SLC4A5: variants seen among roughly 807,000 people sequenced by gnomAD.
SLC4A5 encodes the protein electrogenic sodium bicarbonate cotransporter 4.
In SLC4A5, 96 loss-of-function variants were observed where a neutral mutation model predicts 120.4. The observed-to-expected ratio is 0.80, with a 90% CI of 0.68 to 0.94. SLC4A5 has a LOEUF of 0.94. Ranked by LOEUF, SLC4A5 falls within the 40% of genes least tolerant of loss-of-function variation. SLC4A5 has a pLI of 0.00. For missense variants in SLC4A5, 1,259 were observed against 1,459.5 expected (o/e 0.86, Z 2.24); for synonymous variants, 550 against 571.1 (o/e 0.96, Z 0.53).
chr2:74,338,806 T>G (rs926357892), intron 3 of SLC4A5, 49 bp downstream of exon 3: 2 of 152,042 alleles, frequency 1.3e-5, no homozygotes, highest in African/African-American at 2.4e-5. Flanking sequence ...AGAGCAAGAC[T>G]CCATCTCAAA....
exon 31 of SLC4A5, chr2:74,218,634 G>A (rs1455634483): frequency 6.6e-6 from 1 of 152,632 alleles, no homozygotes; most frequent in African/African-American, 2.4e-5. Context: ...ATCCTAGAGG[G>A]TGGTCTCACT....
chr2:74,246,189 T>C (rs1392231225), intron 19 of SLC4A5, among the ~76,000 whole-genome samples: 1 of 152,176 alleles, frequency 6.6e-6, no homozygotes, highest in Non-Finnish European at 1.5e-5. Flanking sequence ...AGAAAGTAAC[T>C]CCACAGGAGT....
At chr2:74,309,108 T>G (rs1672733375) in intron 6 of SLC4A5, among the ~76,000 whole-genome samples, 1 of 151,470 alleles carries the variant, frequency 6.6e-6, no homozygotes, top group African/African-American at 2.4e-5. Context: ...TTTAGTAGTC[T>G]CAAAATCTCT....
chr2:74,226,035 G>T (rs906610106), intron 27 of SLC4A5, among the ~76,000 whole-genome samples: 1 of 152,218 alleles, frequency 6.6e-6, no homozygotes, highest in African/African-American at 2.4e-5. Flanking sequence ...GAGGGCACTG[G>T]GGGGAGGATC....
chr2:74,299,132 C>A (rs944439129), intron 7 of SLC4A5, among the ~76,000 whole-genome samples: 1 of 152,110 alleles, frequency 6.6e-6, no homozygotes, highest in Admixed American at 6.5e-5. Context: ...AGGCAGATCA[C>A]CTGAGGCTGG....
At chr2:74,258,140 G>T (rs888203157) in intron 12 of SLC4A5, among the ~76,000 whole-genome samples, 5 of 152,216 alleles carry the variant, frequency 3.3e-5, no homozygotes, top group African/African-American at 1.2e-4. Flanking sequence ...CAACGATGCT[G>T]TCTGAATCTA....
At chr2:74,244,942 C>T (rs529090866) in intron 19 of SLC4A5, among the ~76,000 whole-genome samples, 20 of 152,138 alleles carry the variant, frequency 1.3e-4, no homozygotes, top group Non-Finnish European at 2.5e-4. Flanking sequence ...CATTATGTCC[C>T]TCATAATGCA....
intron 28 of SLC4A5, 102 bp from the exon 29 acceptor site, chr2:74,223,054 G>GAGTGC (rs1408275686): frequency 2.0e-5 from 14 of 701,364 alleles, no homozygotes; most frequent in Non-Finnish European, 2.8e-5. Flanking sequence ...GCCCAGGCTG[G>GAGTGC]AGTGCAGTGG....
At chr2:74,283,474 G>T (rs536195862) in intron 8 of SLC4A5, among the ~76,000 whole-genome samples, 2 of 152,200 alleles carry the variant, frequency 1.3e-5, no homozygotes, top group Non-Finnish European at 2.9e-5. Flanking sequence ...TCTGAGGCCC[G>T]CAGGGACTTA....
chr2:74,325,408 C>T (rs1673195643), intron 5 of SLC4A5, among the ~76,000 whole-genome samples: 1 of 152,126 alleles, frequency 6.6e-6, no homozygotes, highest in Admixed American at 6.5e-5. Context: ...TAGATCCCAA[C>T]TTCTCACAAC....
At chr2:74,278,906 T>A (rs1014310540) in intron 8 of SLC4A5, among the ~76,000 whole-genome samples, 4 of 152,234 alleles carry the variant, frequency 2.6e-5, no homozygotes, top group African/African-American at 9.6e-5. Flanking sequence ...GGCTCATGTA[T>A]ACCAGCCATC....
At chr2:74,269,348 G>C (rs1671400183) in intron 8 of SLC4A5, among the ~76,000 whole-genome samples, 1 of 151,914 alleles carries the variant, frequency 6.6e-6, no homozygotes, top group East Asian at 1.9e-4. Flanking sequence ...TGGGATTACA[G>C]GTGCCTGCCA....
At chr2:74,338,644 C>T (rs145582439) in intron 3 of SLC4A5, among the ~76,000 whole-genome samples, 3,869 of 152,084 alleles carry the variant, frequency 0.025, 161 homozygotes, top group African/African-American at 0.088. Context: ...CATGGTGAAA[C>T]CCCATGTCTA....
chr2:74,225,975 T>C (rs572741557), intron 27 of SLC4A5, among the ~76,000 whole-genome samples: 1 of 152,162 alleles, frequency 6.6e-6, no homozygotes, highest in East Asian at 1.9e-4. Context: ...ACTCAGTAAA[T>C]GCTAATCATG....
chr2:74,308,376 C>T (rs1672712589), intron 6 of SLC4A5, among the ~76,000 whole-genome samples: 1 of 152,186 alleles, frequency 6.6e-6, no homozygotes, highest in Non-Finnish European at 1.5e-5. Flanking sequence ...GCTTTGCATC[C>T]TCATCAGCAT....
chr2:74,238,386 A>G (rs984358940), intron 21 of SLC4A5, among the ~76,000 whole-genome samples: 1 of 152,154 alleles, frequency 6.6e-6, no homozygotes, highest in African/African-American at 2.4e-5. Flanking sequence ...ATTTAAGATG[A>G]TTCTAAAATT....
chr2:74,242,644 C>T (rs1356761223), intron 19 of SLC4A5, among the ~76,000 whole-genome samples: 1 of 152,136 alleles, frequency 6.6e-6, no homozygotes, highest in Non-Finnish European at 1.5e-5. Flanking sequence ...ACTTCCCTGC[C>T]CTGTTCACCT....
intron 5 of SLC4A5, among the ~76,000 whole-genome samples, chr2:74,326,841 T>C (rs1252012843): frequency 6.6e-6 from 1 of 151,994 alleles, no homozygotes; most frequent in Non-Finnish European, 1.5e-5. Flanking sequence ...AGACCAAGGA[T>C]CAGAGTGCTA....
chr2:74,264,122 C>T, intron 10 of SLC4A5, 25 bp downstream of exon 10: 2 of 1,607,562 alleles, frequency 1.2e-6, no homozygotes, highest in Non-Finnish European at 1.7e-6. Flanking sequence ...ATGTCCCATG[C>T]CTACCAGCGT....
Sources: gnomAD v4.1 joint callset for allele counts (sites outside exome capture counted in the v4.1 genomes callset) on GRCh38, gnomAD v4.1.1 for gene constraint, MANE v1.5 for transcripts, NCBI Gene and HGNC (gene_info 2026-07-23, HGNC 2026-07-21) for gene names.